LRRC28: variants seen among roughly 807,000 people sequenced by gnomAD.
LRRC28 encodes leucine rich repeat containing 28, also known as leucine-rich repeat-containing protein 28.
Under a neutral mutation model 45.7 loss-of-function variants are expected in LRRC28, and 39 were observed. The ratio of observed to expected loss-of-function variants is 0.85; its 90% CI spans 0.66 to 1.12. The LOEUF is 1.12. Among genes scored for constraint, LRRC28 ranks in the 50% most tolerant of loss-of-function variants. The pLI is 0.00. For synonymous variants in LRRC28, 206 were observed against 178.8 expected (o/e 1.15, Z -1.22); for missense variants, 435 against 438.5 (o/e 0.99, Z 0.07).
rs1958059103 is a variant in LRRC28 at position 99,387,446 on chromosome 15, GC to G, written c.*1347del. The G allele has an allele frequency of 6.6e-6, 1 of 152,138 alleles. No individual in the cohort carries two copies. The highest frequency in any genetic ancestry group is 2.1e-4 in the South Asian group (1 of 4,824). 9.4% of individuals were successfully genotyped at this position (152,138 alleles called of 1,614,324 possible). A position where few individuals can be genotyped will look rare whatever the true frequency, so the allele number is the denominator to read the frequency against. On this transcript the variant is annotated 3_prime_UTR_variant, in exon 10 of 10. Coordinates refer to ENST00000301981, the MANE Select transcript of LRRC28 (RefSeq NM_144598.5). The stretch of plus-strand genomic sequence containing the variant: ...GGTGCACCACACTGTCTTCATGTTG[GC>G]CCTCGTTTCTTGTATACTTAGCTTA...
At chr15:99,379,323 G>A (rs192244519) in intron 9 of LRRC28, among the ~76,000 whole-genome samples, 39 of 152,174 alleles carry the variant, frequency 2.6e-4, no homozygotes, top group Middle Eastern at 3.4e-3. Context: ...GTTTATTTGC[G>A]TAGAGGTGTT....
intron 7 of LRRC28, among the ~76,000 whole-genome samples, chr15:99,352,844 A>G (rs1956929623): frequency 6.6e-6 from 1 of 152,222 alleles, no homozygotes; most frequent in Non-Finnish European, 1.5e-5. Flanking sequence ...CACAGAAAGT[A>G]GAGGAATCAG....
chr15:99,263,710 A>G (rs114788486), intron 2 of LRRC28, among the ~76,000 whole-genome samples: 323 of 152,324 alleles, frequency 2.1e-3, no homozygotes, highest in African/African-American at 7.6e-3. Context: ...AATGTTTTAA[A>G]AATAAGATCC....
chr15:99,287,341 C>G, intron 4 of LRRC28, 47 bp downstream of exon 4: 1 of 1,378,074 alleles, frequency 7.3e-7, no homozygotes, highest in South Asian at 1.5e-5. Flanking sequence ...ATAATTTAAG[C>G]TTTGCTTTAT....
intron 3 of LRRC28, among the ~76,000 whole-genome samples, chr15:99,284,174 G>A (rs1041573595): frequency 6.6e-6 from 1 of 152,174 alleles, no homozygotes. Context: ...TTGTACATCA[G>A]GATTATTTGA....
chr15:99,299,195 T>C (rs1438229205), intron 5 of LRRC28, among the ~76,000 whole-genome samples: 5 of 152,244 alleles, frequency 3.3e-5, no homozygotes, highest in African/African-American at 1.2e-4. Flanking sequence ...TTTGGCAAAG[T>C]ATGTTTTTGA....
At chr15:99,296,714 T>A (rs539789109) in intron 5 of LRRC28, among the ~76,000 whole-genome samples, 1 of 152,208 alleles carries the variant, frequency 6.6e-6, no homozygotes, top group African/African-American at 2.4e-5. Flanking sequence ...TATTTACTGC[T>A]GCAAAGTATG....
chr15:99,327,061 G>A (rs1025312707), intron 5 of LRRC28, among the ~76,000 whole-genome samples: 6 of 151,934 alleles, frequency 3.9e-5, no homozygotes, highest in Non-Finnish European at 8.8e-5. Context: ...TTAAAATTAC[G>A]AATTCAGTTT....
At chr15:99,258,289 G>A in intron 2 of LRRC28, 1 of 1,547,210 alleles carries the variant, frequency 6.5e-7, no homozygotes. Flanking sequence ...AGTACATCTG[G>A]GAGTCTGAAT....
intron 5 of LRRC28, among the ~76,000 whole-genome samples, chr15:99,333,224 T>A (rs533805170): frequency 6.6e-6 from 1 of 152,202 alleles, no homozygotes; most frequent in Non-Finnish European, 1.5e-5. Flanking sequence ...GTACTCTCCA[T>A]GGAAGAGATG....
At chr15:99,303,845 A>G (rs1295884281) in intron 5 of LRRC28, among the ~76,000 whole-genome samples, 5 of 149,500 alleles carry the variant, frequency 3.3e-5, no homozygotes, top group Admixed American at 2.0e-4. Context: ...AAAAAAAAAA[A>G]GAATATAAAT....
intron 3 of LRRC28, chr15:99,284,945 C>T: frequency 6.5e-6 from 4 of 611,044 alleles, no homozygotes; most frequent in South Asian, 5.5e-5. Flanking sequence ...AGTTGTCATT[C>T]CCATCAAAAC....
chr15:99,356,128 A>G (rs1957041068), intron 7 of LRRC28, among the ~76,000 whole-genome samples: 1 of 152,240 alleles, frequency 6.6e-6, no homozygotes, highest in Non-Finnish European at 1.5e-5. Flanking sequence ...TTAGCGGAAT[A>G]TAAGAGAACC....
rs2152316427 is a variant in LRRC28, at chr15:99,352,412, C to A, written c.636C>A (p.Asn212Lys). The change falls in exon 7 of 10, where the codon AAC becomes AAA. Residue 212 changes from asparagine (N) to lysine (K), a missense_variant. By Grantham distance (94) the Asn-to-Lys change is moderately conservative (BLOSUM62 0). Coordinates refer to ENST00000301981, the MANE Select transcript of LRRC28 (RefSeq NM_144598.5). The part of the protein sequence containing the change: ...SRELQYVYVD[N>K]NIHLKGLPSY... ...AACTACAGTATGTATACGTGGATAA[C>A]AACATTCACCTGAAAGGCTTGCCAT... 1.9e-6 allele frequency: 3 copies of A among 1,614,004 alleles called. No homozygotes were observed. Among genetic ancestry groups the A allele is most frequent in the Non-Finnish European group, 2.5e-6 (3 of 1,179,994 alleles).
At chr15:99,297,390 G>A (rs149747245) in intron 5 of LRRC28, 1 of 151,114 alleles carries the variant, frequency 6.6e-6, no homozygotes, top group African/African-American at 2.4e-5. Flanking sequence ...TGGGACTATG[G>A]GCATGTACCA....
rs181025179 is a variant in LRRC28, at chr15:99,357,813, G to C, written c.696-3523G>C. Among the ~76,000 whole-genome samples, 185 of 152,112 alleles carry C rather than the reference G, an allele frequency of 1.2e-3. 1 individual carries two copies. The highest frequency in any genetic ancestry group is 6.6e-3 in the Admixed American group (101 of 15,274). ...GTTAAGAGAAACTTTTGATGATTTT[G>C]TATGATTTCTGATTTTGATGAATTC... On this transcript the variant is annotated intron_variant, in intron 7 of 9. Coordinates refer to ENST00000301981, the MANE Select transcript of LRRC28 (RefSeq NM_144598.5).
At chr15:99,361,585 C>A in intron 8 of LRRC28, 74 bp downstream of exon 8, 2 of 1,406,958 alleles carry the variant, frequency 1.4e-6, no homozygotes, top group Non-Finnish European at 1.9e-6. Flanking sequence ...CCTGTTTTGG[C>A]GTTCATCTTT....
Position 99,361,372 on chromosome 15 carries a change from G to C in LRRC28, c.732G>C (p.Leu244=). ...GAPIQVSEVK[L]LSFSSGQRTV... ...CCATTCAAGTTTCCGAGGTGAAGCT[G>C]CTTTCCTTTTCATCAGGGCAGCGAA... is the stretch of plus-strand genomic sequence containing the variant. Residue 244 remains leucine, a synonymous_variant, in exon 8 of 10, where the codon CTG becomes CTC. Transcript: ENST00000301981. The C allele has an allele frequency of 6.2e-7, 1 of 1,613,762 alleles. No homozygotes were observed. The highest frequency in any genetic ancestry group is 8.5e-7 in the Non-Finnish European group (1 of 1,179,904).
At chr15:99,346,559 A>G (rs1431291884) in intron 6 of LRRC28, among the ~76,000 whole-genome samples, 2 of 152,244 alleles carry the variant, frequency 1.3e-5, no homozygotes, top group Non-Finnish European at 2.9e-5. Context: ...GCCTAAGGCA[A>G]AAGGAAAAAT....
Sources: gnomAD v4.1 joint callset for allele counts (sites outside exome capture counted in the v4.1 genomes callset) on GRCh38, gnomAD v4.1.1 for gene constraint, MANE v1.5 for transcripts, NCBI Gene and HGNC (gene_info 2026-07-23, HGNC 2026-07-21) for gene names.